FCN3: variants seen among roughly 807,000 people sequenced by gnomAD.
The protein encoded by FCN3 is ficolin-3.
A neutral mutation model predicts 31.5 loss-of-function variants in FCN3; 28 were observed. The ratio of observed to expected loss-of-function variants is 0.89; its 90% confidence interval spans 0.66 to 1.22. The LOEUF (loss-of-function observed/expected upper bound fraction) is 1.22. Ranked by LOEUF, FCN3 falls within the 50% of genes most tolerant of loss-of-function variation. FCN3 has a pLI of 0.00. For missense variants in FCN3, 351 were observed against 386.8 expected (o/e 0.91, Z 0.78); for synonymous variants, 124 against 147.4 (o/e 0.84, Z 1.15).
At chr1:27,374,324 A>G (rs760751792) in intron 2 of FCN3, 32 bp downstream of exon 2, 2 of 1,519,870 alleles carry the variant, frequency 1.3e-6, no homozygotes, top group South Asian at 2.2e-5. Flanking sequence ...CCCCATTCCC[A>G]AGATCCCAGC....
Position 27,370,589 on chromosome 1 carries a change from C to A in FCN3, c.658+7G>T. 6.2e-7 allele frequency: 1 copy of A among 1,613,410 alleles called. No homozygotes were observed. Among genetic ancestry groups the A allele is most frequent in the African/African-American group, 1.3e-5 (1 of 75,054 alleles). The stretch of plus-strand genomic sequence containing the variant: ...CTCCTTCCTCTGCTCCCCTTAGGCT[C>A]ACTCACCTGCAGTGCCCTCTGAGAA... On this transcript the variant is annotated splice_region_variant and intron_variant, in intron 7 of 7. Transcript: ENST00000270879.
At chr1:27,370,197 C>T (rs1278664707) in intron 7 of FCN3, among the ~76,000 whole-genome samples, 2 of 151,954 alleles carry the variant, frequency 1.3e-5, no homozygotes, top group Non-Finnish European at 1.5e-5. Flanking sequence ...TTAGTAGAGA[C>T]GGGGTTTCAC....
intron 3 of FCN3, chr1:27,373,731 A>G (rs1286892655): frequency 3.1e-6 from 2 of 648,468 alleles, no homozygotes; most frequent in South Asian, 1.9e-5. Context: ...GAGGGCCTTC[A>G]TAGGGTACCC....
At chr1:27,372,847 G>C (rs983335751) in intron 5 of FCN3, among the ~76,000 whole-genome samples, 1 of 134,630 alleles carries the variant, frequency 7.4e-6, no homozygotes, top group Non-Finnish European at 1.5e-5. Flanking sequence ...GCAAGAACTC[G>C]GCTCACTGCA....
intron 4 of FCN3, 86 bp downstream of exon 4, chr1:27,373,402 G>T: frequency 1.3e-6 from 2 of 1,597,172 alleles, no homozygotes; most frequent in South Asian, 2.2e-5. Context: ...GGAGGCTGTG[G>T]GGAGGATCTT....
intron 7 of FCN3, 64 bp from the exon 8 acceptor site, chr1:27,369,541 T>C (rs2016102659): frequency 1.9e-5 from 28 of 1,490,912 alleles, no homozygotes; most frequent in Non-Finnish European, 2.4e-5. Flanking sequence ...TTTGGAGATA[T>C]AATGCCATGG....
intron 5 of FCN3, among the ~76,000 whole-genome samples, chr1:27,372,932 T>C (rs1373941798): frequency 6.6e-6 from 1 of 152,096 alleles, no homozygotes; most frequent in East Asian, 1.9e-4. Context: ...CGTGAGCTAC[T>C]GCACTCAACT....
intron 2 of FCN3, 38 bp downstream of exon 2, chr1:27,374,318 A>G (rs1423921658): frequency 6.8e-7 from 1 of 1,470,328 alleles, no homozygotes; most frequent in East Asian, 2.3e-5. Flanking sequence ...TGCCTTCCCC[A>G]TTCCCAAGAT....
chr1:27,374,217 G>T, intron 2 of FCN3, 139 bp downstream of exon 2: 1 of 723,306 alleles, frequency 1.4e-6, no homozygotes, highest in East Asian at 2.7e-5. Context: ...TTGATCTTAG[G>T]ATGCCGGGTG....
Position 27,370,307 on chromosome 1 carries a change from C to T in FCN3, c.658+289G>A, listed in dbSNP as rs538886953. Among the ~76,000 whole-genome samples, 4 of 152,260 alleles carry T rather than the reference C, an allele frequency of 2.6e-5. No homozygotes were observed. The East Asian group carries it at 7.8e-4, about 30-fold the overall frequency. The stretch of plus-strand genomic sequence containing the variant: ...TACAGGCATGAGCCACCGTGCCCGG[C>T]CTCCCTGCCCATTTTATAGAGGAGG... On this transcript the variant is annotated intron_variant, in intron 7 of 7. Transcript: ENST00000270879.
At chr1:27,374,092 T>G in intron 2 of FCN3, 83 bp from the exon 3 acceptor site, 5 of 1,285,420 alleles carry the variant, frequency 3.9e-6, no homozygotes, top group Non-Finnish European at 5.5e-6. Context: ...AGCCAGAGGT[T>G]CAAATCCCAG....
chr1:27,373,313 C>T (rs747169032), intron 4 of FCN3, 50 bp from the exon 5 acceptor site: 3 of 1,610,936 alleles, frequency 1.9e-6, no homozygotes, highest in Admixed American at 1.7e-5. Context: ...TTCCCTGACC[C>T]CCACCCCCAG....
intron 7 of FCN3, among the ~76,000 whole-genome samples, chr1:27,370,289 A>T (rs1002145682): frequency 1.3e-5 from 2 of 151,906 alleles, no homozygotes; most frequent in African/African-American, 4.8e-5. Context: ...GGTTACAGGC[A>T]TGAGCCACCG....
In FCN3 at chr1:27,373,198, G is replaced by A. The variant is rs1267983198; in HGVS notation, c.331C>T (p.Leu111=). ...ATLSGWYHLC[L]PEGRALPVFC... is the part of the protein sequence containing the mutation. ...ACTGGGAGGGCCCTGCCCTCAGGTA[G>A]GCACAGATGGTACCAGCCGCTCAAG... Residue 111 remains leucine, a synonymous_variant, in exon 5 of 8, where the codon CTA becomes TTA. Transcript: ENST00000270879. 6.2e-7 allele frequency: 1 copy of A among 1,614,120 alleles called. No homozygotes were observed. The highest frequency in any genetic ancestry group is 1.3e-5 in the African/African-American group (1 of 75,058).
Position 27,369,296 on chromosome 1 carries a change from G to C in FCN3, c.840C>G (p.Asp280Glu). ...SEAAAHKYGI[D>E]WASGRGVGHP... ...GGCCCACACCACGGCCTGAGGCCCA[G>C]TCAATGCCATATTTGTGGGCGGCAG... The change falls in exon 8 of 8, where the codon GAC (aspartate) becomes GAG (glutamate). Residue 280 changes from aspartate to glutamate, a missense_variant. Asp to Glu is a conservative substitution (Grantham distance 45, BLOSUM62 2). Transcript: ENST00000270879. 6.2e-7 allele frequency: 1 copy of C among 1,614,230 alleles called. No homozygotes were observed. The highest frequency in any genetic ancestry group is 1.1e-5 in the South Asian group (1 of 91,090).
chr1:27,369,368 T>C lies in FCN3; in HGVS notation c.768A>G (p.Ala256=). 6.2e-7 allele frequency: 1 copy of C among 1,614,206 alleles called. No individual in the cohort carries two copies. The highest frequency in any genetic ancestry group is 8.5e-7 in the Non-Finnish European group (1 of 1,180,040). Reference sequence around the variant, plus strand: ...CATTGAGATTTGATCGGTAACAGGATGCATACCACCAGGCACCGTGGACAA... The same window carrying C: ...CATTGAGATTTGATCGGTAACAGGACGCATACCACCAGGCACCGTGGACAA... ...AVIVHGAWWY[A]SCYRSNLNGR... Residue 256 remains alanine, a synonymous_variant, in exon 8 of 8, where the codon GCA becomes GCG. Coordinates refer to ENST00000270879, the MANE Select transcript of FCN3 (RefSeq NM_003665.4).
rs768526825 is a variant in FCN3 at position 27,370,988 on chromosome 1, C to T, written c.394-16G>A. On this transcript the variant is annotated splice_polypyrimidine_tract_variant and intron_variant, in intron 5 of 7. Transcript: ENST00000270879. Reference sequence around the variant, plus strand: ...TCTGAAACACCTGGGGGAGGGGGGGCACAGCAGCTATTACTCCAGGCTGGG... The same window carrying T: ...TCTGAAACACCTGGGGGAGGGGGGGTACAGCAGCTATTACTCCAGGCTGGG... 1.2e-5 allele frequency: 20 copies of T among 1,610,040 alleles called. No homozygotes were observed. Among genetic ancestry groups the T allele is most frequent in the Non-Finnish European group, 1.7e-5 (20 of 1,178,596 alleles).
intron 5 of FCN3, 86 bp from the exon 6 acceptor site, chr1:27,371,058 C>G: frequency 7.3e-7 from 1 of 1,370,172 alleles, no homozygotes; most frequent in East Asian, 2.3e-5. Flanking sequence ...TGGGTGGATA[C>G]CCACTCTCTC....
rs1177944788 is a variant in FCN3 at position 27,373,278 on chromosome 1, A to G, written c.266-15T>C. The G allele has an allele frequency of 6.2e-7, 1 of 1,613,920 alleles. No individual in the cohort carries two copies. The highest frequency in any genetic ancestry group is 1.3e-5 in the African/African-American group (1 of 75,006). ...GTTTCTGGGGCCTGGGAAAGGGGAG[A>G]TGGACTGGGGTGGTGCCCAGGTTAT... On this transcript the variant is annotated splice_polypyrimidine_tract_variant and intron_variant, in intron 4 of 7. Coordinates refer to ENST00000270879, the MANE Select transcript of FCN3 (RefSeq NM_003665.4).
Sources: gnomAD v4.1 joint callset for allele counts (sites outside exome capture counted in the v4.1 genomes callset) on GRCh38, gnomAD v4.1.1 for gene constraint, MANE v1.5 for transcripts, NCBI Gene and HGNC (gene_info 2026-07-23, HGNC 2026-07-21) for gene names.